Variants in UGT2A1 observed in about 807,000 individuals in gnomAD.
The protein encoded by UGT2A1 is UDP-glucuronosyltransferase 2A1.
UGT2A1 carries 61 observed loss-of-function variants against 45.4 expected under a neutral mutation model. The observed-to-expected ratio is 1.34, with a 90% CI of 1.09 to 1.66. UGT2A1 has a LOEUF of 1.66. Among genes scored for constraint, UGT2A1 ranks in the 40% most tolerant of loss-of-function variants. The probability of loss-of-function intolerance (pLI) is 0.00; values close to 1 mark genes in which losing one functional copy is unlikely to be tolerated. For synonymous variants in UGT2A1, 229 were observed against 196.2 expected (o/e 1.17, Z -1.40); for missense variants, 649 against 574.3 (o/e 1.13, Z -1.33).
At chr4:69,604,600 G>A (rs908765263) in intron 3 of UGT2A1, among the ~76,000 whole-genome samples, 1 of 136,628 alleles carries the variant, frequency 7.3e-6, no homozygotes, top group Non-Finnish European at 1.6e-5. Context: ...TGGGCTAAAT[G>A]CTCCAATTAA....
intron 3 of UGT2A1, among the ~76,000 whole-genome samples, chr4:69,620,289 A>AG (rs1035036522): frequency 2.1e-4 from 27 of 125,944 alleles, no homozygotes; most frequent in African/African-American, 8.4e-4. Flanking sequence ...GTAAAGTTTC[A>AG]GGAAAAAAAA....
chr4:69,588,917 C>T lies in UGT2A1; in HGVS notation c.*455G>A, dbSNP rs897621992. On this transcript the variant is annotated 3_prime_UTR_variant, in exon 7 of 7. Coordinates refer to ENST00000286604, the MANE Select transcript of UGT2A1 (RefSeq NM_001252275.3). ...TCATTACCTTTCTCATAACACACTA[C>T]TCTCCTACGGTGGCTCCCTGATTTG... 1.3e-5 allele frequency: 2 copies of T among 152,938 alleles called. No homozygotes were observed. The highest frequency in any genetic ancestry group is 2.4e-5 in the African/African-American group (1 of 41,414). The allele number at this position is 152,938 out of a possible 1,614,324, so 9.5% of individuals were successfully genotyped here.
At chr4:69,639,388 C>A (rs781753112) in intron 2 of UGT2A1, 43 of 1,613,414 alleles carry the variant, frequency 2.7e-5, no homozygotes, top group Middle Eastern at 1.6e-4. Flanking sequence ...TTGTAGGAAA[C>A]AGGTATCACT....
Position 69,595,253 on chromosome 4 carries a change from T to C in UGT2A1, c.997-4A>G, listed in dbSNP as rs768629275. The C allele has an allele frequency of 5.0e-6, 8 of 1,613,328 alleles. No homozygotes were observed. The Admixed American group carries it at 1.0e-4, about 20-fold the overall frequency. ...TTCCTTTGTATCTCCATAAAACCTG[T>C]GGAAAATGGTGCTTTAATTTTGCAA... On this transcript the variant is annotated splice_region_variant and splice_polypyrimidine_tract_variant and intron_variant, in intron 4 of 6. Transcript: ENST00000286604.
At chr4:69,596,996 C>A (rs572598755) in intron 4 of UGT2A1, among the ~76,000 whole-genome samples, 3 of 152,202 alleles carry the variant, frequency 2.0e-5, no homozygotes, top group Non-Finnish European at 2.9e-5. Flanking sequence ...TTTAACCAAT[C>A]AACAGGGTTG....
At chr4:69,608,028 T>C (rs1337102168) in intron 3 of UGT2A1, among the ~76,000 whole-genome samples, 1 of 152,194 alleles carries the variant, frequency 6.6e-6, no homozygotes, top group Non-Finnish European at 1.5e-5. Context: ...CTCAGGGATC[T>C]AGAATTAGAA....
At chr4:69,631,308 C>A (rs954166628) in intron 3 of UGT2A1, among the ~76,000 whole-genome samples, 1 of 58,272 alleles carries the variant, frequency 1.7e-5, no homozygotes, top group Non-Finnish European at 3.5e-5. Flanking sequence ...GAGAGAGTTA[C>A]TTAATTTTTA....
intron 3 of UGT2A1, among the ~76,000 whole-genome samples, chr4:69,628,997 G>A (rs1721241406): frequency 6.6e-6 from 1 of 151,752 alleles, no homozygotes; most frequent in South Asian, 2.1e-4. Context: ...AGGGAGCCAG[G>A]TGATATCAGG....
At chr4:69,649,301 T>C (rs1722414469) in intron 1 of UGT2A1, among the ~76,000 whole-genome samples, 1 of 152,074 alleles carries the variant, frequency 6.6e-6, no homozygotes. Flanking sequence ...TGTATTTCCA[T>C]TGAAGTTTCT....
intron 3 of UGT2A1, among the ~76,000 whole-genome samples, chr4:69,612,778 T>G (rs1004297357): frequency 1.3e-5 from 2 of 151,800 alleles, no homozygotes; most frequent in African/African-American, 4.8e-5. Flanking sequence ...TAAAAATCTT[T>G]GAAGAAAACC....
rs779110214 is a variant in UGT2A1, at chr4:69,646,929, C to T, written c.715+1G>A. On this transcript the variant is annotated splice_donor_variant, in intron 2 of 6. Transcript: ENST00000286604. LOFTEE classifies it high-confidence loss of function. ...TAATAAAAACAAAATTTGTTACATA[C>T]CTAAAGCTTTACTATAGTATGAATC... The T allele has an allele frequency of 6.4e-7, 1 of 1,556,366 alleles. No homozygotes were observed. Among genetic ancestry groups the T allele is most frequent in the Non-Finnish European group, 8.6e-7 (1 of 1,156,884 alleles).
At chr4:69,627,548 A>AAAGAG (rs1721147175) in intron 3 of UGT2A1, among the ~76,000 whole-genome samples, 1 of 62,590 alleles carries the variant, frequency 1.6e-5, no homozygotes, top group Non-Finnish European at 3.7e-5. Flanking sequence ...GAGAGAGAGA[A>AAAGAG]AGAGAGAGAG....
chr4:69,651,717 G>A (rs779754228), intron 1 of UGT2A1, among the ~76,000 whole-genome samples: 13 of 152,192 alleles, frequency 8.5e-5, no homozygotes, highest in Non-Finnish European at 1.5e-4. Flanking sequence ...ATTGAATGCA[G>A]ATGCCAGAGA....
chr4:69,616,448 C>G (rs1720390517), intron 3 of UGT2A1, among the ~76,000 whole-genome samples: 1 of 151,852 alleles, frequency 6.6e-6, no homozygotes. Context: ...CTGATTTGAT[C>G]ATTACACATT....
chr4:69,601,770 T>C lies in UGT2A1; in HGVS notation c.848-2376A>G, dbSNP rs1350711725. Among the ~76,000 whole-genome samples, 20 of 86,800 alleles carry C rather than the reference T, an allele frequency of 2.3e-4. 5 individuals are homozygous for C. The highest frequency in any genetic ancestry group is 4.1e-4 in the Non-Finnish European group (18 of 43,514). The allele number at this position is 86,800 out of a possible 152,430, so 56.9% of individuals were successfully genotyped here. A position where few individuals can be genotyped will look rare whatever the true frequency, so the allele number is the denominator to read the frequency against. On this transcript the variant is annotated intron_variant, in intron 3 of 6. Transcript: ENST00000286604. ...CACTGATGGGAGACTAGAGGACAGG[T>C]CATATCACTGGATCCCTTGCAGACA...
intron 3 of UGT2A1, among the ~76,000 whole-genome samples, chr4:69,615,457 T>C (rs960799255): frequency 9.2e-5 from 14 of 151,758 alleles, no homozygotes; most frequent in African/African-American, 3.1e-4. Context: ...TGGGAGAAAA[T>C]ATTTTCCATG....
At chr4:69,616,598 T>G (rs551633432) in intron 3 of UGT2A1, among the ~76,000 whole-genome samples, 1 of 151,924 alleles carries the variant, frequency 6.6e-6, no homozygotes, top group Non-Finnish European at 1.5e-5. Context: ...CAACTTCCAG[T>G]TTACCATTTC....
At chr4:69,595,119 T>C (rs1718840060) in intron 5 of UGT2A1, 43 bp downstream of exon 5, 1 of 1,607,918 alleles carries the variant, frequency 6.2e-7, no homozygotes, top group Non-Finnish European at 8.5e-7. Context: ...ACTTAACTTG[T>C]CTATTGTCCC....
At chr4:69,615,565 CT>C (rs1302256263) in intron 3 of UGT2A1, among the ~76,000 whole-genome samples, 2 of 151,864 alleles carry the variant, frequency 1.3e-5, no homozygotes, top group African/African-American at 4.8e-5. Context: ...GATAAAAGAT[CT>C]GAATAGACGT....
Sources: allele counts gnomAD v4.1 joint callset (sites outside exome capture counted in the v4.1 genomes callset), GRCh38; gene constraint gnomAD v4.1.1; transcripts MANE v1.5; gene names NCBI Gene and HGNC (gene_info 2026-07-23, HGNC 2026-07-21).